ZNF536: variants seen among roughly 807,000 people sequenced by gnomAD.
ZNF536 encodes the protein zinc finger protein 536.
A neutral mutation model predicts 84.5 loss-of-function variants in ZNF536; 13 were observed. The ratio of observed to expected loss-of-function variants is 0.15; its 90% CI spans 0.10 to 0.24. The LOEUF (loss-of-function observed/expected upper bound fraction) is 0.24, where lower values mean the gene tolerates loss of function less well. ZNF536 is among the 10% of genes least tolerant of loss of function. ZNF536 has a pLI of 1.00. For missense variants in ZNF536, 1,536 were observed against 1,747.5 expected (o/e 0.88, Z 2.16); for synonymous variants, 811 against 742.5 (o/e 1.09, Z -1.50).
At chr19:30,624,899 T>G (rs1031724698) in intron 1 of ZNF536, among the ~76,000 whole-genome samples, 41 of 152,300 alleles carry the variant, frequency 2.7e-4, no homozygotes, top group African/African-American at 9.9e-4. Flanking sequence ...TATAAGTGTT[T>G]GGCAAGTTCC....
At chr19:30,254,498 T>G (rs1055998553) in intron 1 of ZNF536, among the ~76,000 whole-genome samples, 1 of 151,736 alleles carries the variant, frequency 6.6e-6, no homozygotes, top group African/African-American at 2.4e-5. Context: ...AGAGATACAG[T>G]TGGCATTGGG....
intron 3 of ZNF536, among the ~76,000 whole-genome samples, chr19:30,356,068 C>A (rs558201903): frequency 2.0e-5 from 3 of 152,336 alleles, no homozygotes; most frequent in Non-Finnish European, 4.4e-5. Context: ...AACATTGAGG[C>A]AACCGTTGGT....
At chr19:30,585,525 CT>C (rs1321780485) in intron 1 of ZNF536, among the ~76,000 whole-genome samples, 2 of 152,188 alleles carry the variant, frequency 1.3e-5, no homozygotes, top group African/African-American at 4.8e-5. Context: ...GTTAATAGAT[CT>C]TGGGAGTATT....
At chr19:30,483,136 T>C (rs1465120617) in intron 2 of ZNF536, among the ~76,000 whole-genome samples, 1 of 152,182 alleles carries the variant, frequency 6.6e-6, no homozygotes, top group African/African-American at 2.4e-5. Flanking sequence ...GCCCACCTCA[T>C]TGGAACTGGT....
chr19:30,397,053 C>A (rs531288971), intron 1 of ZNF536, among the ~76,000 whole-genome samples: 1 of 152,308 alleles, frequency 6.6e-6, no homozygotes, highest in South Asian at 2.1e-4. Flanking sequence ...TGGCTGCAAA[C>A]CTGGGCACTT....
chr19:30,250,110 T>A (rs1308030673), intron 1 of ZNF536, among the ~76,000 whole-genome samples: 5 of 152,210 alleles, frequency 3.3e-5, no homozygotes, highest in Non-Finnish European at 7.3e-5. Flanking sequence ...GTGACTCTGA[T>A]GTTTGGGATG....
intron 3 of ZNF536, among the ~76,000 whole-genome samples, chr19:30,366,483 T>C (rs2048437478): frequency 6.6e-6 from 1 of 152,026 alleles, no homozygotes; most frequent in Non-Finnish European, 1.5e-5. Flanking sequence ...CTTTTCTCTC[T>C]AGATCTATCA....
chr19:30,417,365 GT>G (rs1257932554), intron 1 of ZNF536, among the ~76,000 whole-genome samples: 4 of 151,628 alleles, frequency 2.6e-5, no homozygotes, highest in Non-Finnish European at 4.4e-5. Context: ...CCTGCTTCTT[GT>G]TTATTTAGTG....
chr19:30,503,418 C>A (rs1448637044), intron 2 of ZNF536, among the ~76,000 whole-genome samples: 1 of 152,090 alleles, frequency 6.6e-6, no homozygotes, highest in Non-Finnish European at 1.5e-5. Context: ...ATCTTTGCAG[C>A]CATTAAATGT....
At chr19:30,290,517 C>T (rs542689432) in intron 2 of ZNF536, among the ~76,000 whole-genome samples, 62 of 152,128 alleles carry the variant, frequency 4.1e-4, no homozygotes, top group Non-Finnish European at 7.2e-4. Context: ...AATCATCTGC[C>T]AGCCTCAGCC....
intron 1 of ZNF536, among the ~76,000 whole-genome samples, chr19:30,245,443 C>A (rs747119983): frequency 5.9e-5 from 9 of 152,210 alleles, no homozygotes; most frequent in Non-Finnish European, 1.2e-4. Flanking sequence ...TTGCAAATGG[C>A]AGTCCATTAA....
At chr19:30,645,661 G>T (rs2049439060) in intron 1 of ZNF536, among the ~76,000 whole-genome samples, 1 of 152,112 alleles carries the variant, frequency 6.6e-6, no homozygotes, top group Admixed American at 6.5e-5. Flanking sequence ...TGCATGTTAG[G>T]ATCTGTGTCT....
chr19:30,545,802 T>C (rs193110182), intron 3 of ZNF536, among the ~76,000 whole-genome samples: 1 of 152,120 alleles, frequency 6.6e-6, no homozygotes, highest in Non-Finnish European at 1.5e-5. Flanking sequence ...TTCCCAGGCT[T>C]GAGAGGAAAG....
chr19:30,712,423 A>G (rs969039153), exon 2 of ZNF536: 5 of 143,200 alleles, frequency 3.5e-5, no homozygotes, highest in Non-Finnish European at 6.3e-5. Context: ...AAAATCATTC[A>G]GACTTAAAAA....
intron 1 of ZNF536, among the ~76,000 whole-genome samples, chr19:30,257,854 T>A (rs918102173): frequency 1.3e-5 from 2 of 152,230 alleles, no homozygotes; most frequent in Non-Finnish European, 2.9e-5. Context: ...TGTTTCCTCT[T>A]TGTTCAAACT....
intron 1 of ZNF536, among the ~76,000 whole-genome samples, chr19:30,564,054 AAG>A (rs2046267358): frequency 6.6e-6 from 1 of 152,176 alleles, no homozygotes; most frequent in South Asian, 2.1e-4. Flanking sequence ...ACCAGAAAAC[AAG>A]AGGGGGTGAA....
chr19:30,517,456 A>G (rs1011838394), intron 2 of ZNF536, among the ~76,000 whole-genome samples: 45 of 152,286 alleles, frequency 3.0e-4, no homozygotes, highest in African/African-American at 1.1e-3. Context: ...TCCACTGCCC[A>G]GCCCATCAAC....
At chr19:30,410,873 A>G (rs1029426306) in intron 1 of ZNF536, among the ~76,000 whole-genome samples, 4 of 152,254 alleles carry the variant, frequency 2.6e-5, no homozygotes, top group Admixed American at 6.5e-5. Context: ...ATCTCTGCAC[A>G]TGCACAAATG....
At chr19:30,438,453 G>A (rs1005388112) in intron 1 of ZNF536, among the ~76,000 whole-genome samples, 1 of 152,174 alleles carries the variant, frequency 6.6e-6, no homozygotes, top group African/African-American at 2.4e-5. Context: ...CCTGGGTCAC[G>A]CAGTGCTGAG....
Sources: allele counts gnomAD v4.1 joint callset (sites outside exome capture counted in the v4.1 genomes callset), GRCh38; gene constraint gnomAD v4.1.1; transcripts MANE v1.5; gene names NCBI Gene and HGNC (gene_info 2026-07-23, HGNC 2026-07-21).